PCDH15: variants seen among roughly 807,000 people sequenced by gnomAD.
PCDH15 encodes protocadherin related 15, also known as protocadherin-15.
In PCDH15, 129 loss-of-function variants were observed where a neutral mutation model predicts 178.5. That is an observed-to-expected ratio of 0.72 (90% CI 0.63 to 0.84). PCDH15 has a LOEUF of 0.84. PCDH15 is among the 40% of genes least tolerant of loss of function. The pLI is 0.00. For synonymous variants in PCDH15, 800 were observed against 732.0 expected (o/e 1.09, Z -1.50); for missense variants, 2,230 against 2,099.9 (o/e 1.06, Z -1.21).
chr10:55,358,292 G>T (rs1276586361), intron 2 of PCDH15, among the ~76,000 whole-genome samples: 1 of 152,102 alleles, frequency 6.6e-6, no homozygotes, highest in East Asian at 1.9e-4. Flanking sequence ...TGAATGATTT[G>T]CATGATTCTC....
intron 2 of PCDH15, among the ~76,000 whole-genome samples, chr10:55,434,377 C>T (rs1838980923): frequency 6.6e-6 from 1 of 151,930 alleles, no homozygotes; most frequent in African/African-American, 2.4e-5. Context: ...TTTTCAAACG[C>T]TATTGCTTTT....
At chr10:55,518,831 C>T (rs911748984) in intron 2 of PCDH15, among the ~76,000 whole-genome samples, 5 of 151,866 alleles carry the variant, frequency 3.3e-5, no homozygotes, top group African/African-American at 1.2e-4. Context: ...CGTGGTGGCT[C>T]ATGCCTATAA....
intron 17 of PCDH15, among the ~76,000 whole-genome samples, chr10:54,069,352 C>T (rs1008129244): frequency 6.6e-5 from 10 of 152,088 alleles, no homozygotes; most frequent in African/African-American, 1.9e-4. Context: ...GACTGTAACT[C>T]TTAAGTGGAT....
intron 32 of PCDH15, among the ~76,000 whole-genome samples, chr10:53,825,864 C>A (rs1170886708): frequency 1.3e-5 from 2 of 151,356 alleles, no homozygotes; most frequent in African/African-American, 4.8e-5. Flanking sequence ...ATTGCAAAAT[C>A]TACTGAGTCT....
At chr10:54,216,679 T>C (rs899984685) in intron 9 of PCDH15, among the ~76,000 whole-genome samples, 1 of 152,300 alleles carries the variant, frequency 6.6e-6, no homozygotes, top group African/African-American at 2.4e-5. Flanking sequence ...AAACAGACAC[T>C]TTGGACACTG....
chr10:55,499,573 A>G (rs767467412), intron 2 of PCDH15, among the ~76,000 whole-genome samples: 12 of 151,634 alleles, frequency 7.9e-5, no homozygotes, highest in Non-Finnish European at 1.6e-4. Flanking sequence ...ATTCTTATAC[A>G]ATTTTTTTAA....
chr10:54,658,104 T>TA (rs796855881), intron 2 of PCDH15, among the ~76,000 whole-genome samples: 32 of 152,134 alleles, frequency 2.1e-4, no homozygotes, highest in African/African-American at 7.5e-4. Flanking sequence ...AAATAATTTT[T>TA]AAAAATGAAC....
intron 2 of PCDH15, among the ~76,000 whole-genome samples, chr10:55,419,585 A>T (rs964082707): frequency 6.6e-6 from 1 of 151,824 alleles, no homozygotes; most frequent in Non-Finnish European, 1.5e-5. Flanking sequence ...AGGAGTGAAG[A>T]TATTCTCACA....
chr10:55,405,447 C>T (rs1372864765), intron 2 of PCDH15, among the ~76,000 whole-genome samples: 2 of 151,202 alleles, frequency 1.3e-5, no homozygotes, highest in Non-Finnish European at 3.0e-5. Flanking sequence ...CAGCCTTTGC[C>T]TTTTCTAACT....
chr10:54,712,315 T>C (rs1416119596), intron 1 of PCDH15, among the ~76,000 whole-genome samples: 1 of 151,846 alleles, frequency 6.6e-6, no homozygotes, highest in East Asian at 1.9e-4. Flanking sequence ...CATTTCGAAA[T>C]TCATTGTTTT....
At chr10:54,007,491 C>G (rs1438849370) in intron 20 of PCDH15, among the ~76,000 whole-genome samples, 1 of 151,836 alleles carries the variant, frequency 6.6e-6, no homozygotes, top group Admixed American at 6.6e-5. Context: ...AAGTAAATAT[C>G]TTGTATATAC....
At chr10:54,959,133 G>A (rs1353543064) in intron 2 of PCDH15, among the ~76,000 whole-genome samples, 1 of 151,704 alleles carries the variant, frequency 6.6e-6, no homozygotes, top group Non-Finnish European at 1.5e-5. Context: ...AAGGCAGGAA[G>A]AGAAGGGGAA....
chr10:54,522,910 A>G (rs914176126), intron 3 of PCDH15, among the ~76,000 whole-genome samples: 2 of 152,184 alleles, frequency 1.3e-5, no homozygotes, highest in African/African-American at 4.8e-5. Context: ...AATAATTTTA[A>G]TACTAAACTT....
intron 3 of PCDH15, among the ~76,000 whole-genome samples, chr10:54,883,218 A>C (rs1364048067): frequency 6.6e-6 from 1 of 152,068 alleles, no homozygotes; most frequent in East Asian, 1.9e-4. Context: ...CTATTGCCCT[A>C]AAAAGCAGTT....
At chr10:55,027,807 G>A (rs936195351) in intron 2 of PCDH15, among the ~76,000 whole-genome samples, 4 of 151,794 alleles carry the variant, frequency 2.6e-5, no homozygotes, top group Non-Finnish European at 4.4e-5. Context: ...TATCATCCAA[G>A]TAGCTGAGGT....
chr10:54,806,831 G>C (rs1952785481), intron 3 of PCDH15, among the ~76,000 whole-genome samples: 1 of 152,128 alleles, frequency 6.6e-6, no homozygotes, highest in African/African-American at 2.4e-5. Context: ...GCTTGCTTCA[G>C]GCATTAGCGG....
At chr10:54,597,969 T>C (rs2092323943) in intron 2 of PCDH15, among the ~76,000 whole-genome samples, 1 of 152,024 alleles carries the variant, frequency 6.6e-6, no homozygotes, top group Non-Finnish European at 1.5e-5. Context: ...CTATAACAAA[T>C]GCTGAAATTG....
At chr10:54,335,462 T>G (rs1891380) in intron 6 of PCDH15, among the ~76,000 whole-genome samples, 39,981 of 152,136 alleles carry the variant, frequency 0.26, 5,924 homozygotes, top group African/African-American at 0.41. Flanking sequence ...TCATCTTGAA[T>G]TGTAGCTTCC....
chr10:54,418,349 A>T (rs1457681357), intron 3 of PCDH15, among the ~76,000 whole-genome samples: 1 of 152,108 alleles, frequency 6.6e-6, no homozygotes, highest in Non-Finnish European at 1.5e-5. Flanking sequence ...AATATAAGCT[A>T]AAATTATAGA....
Sources: gnomAD v4.1 joint callset for allele counts (sites outside exome capture counted in the v4.1 genomes callset) on GRCh38, gnomAD v4.1.1 for gene constraint, MANE v1.5 for transcripts, NCBI Gene and HGNC (gene_info 2026-07-23, HGNC 2026-07-21) for gene names.